Variants in CWH43 observed in about 807,000 individuals in gnomAD.
The protein encoded by CWH43 is PGAP2-interacting protein.
Under a neutral mutation model 85.7 loss-of-function variants are expected in CWH43, and 91 were observed. That is an observed-to-expected ratio of 1.06 (90% confidence interval 0.90 to 1.26). CWH43 has a LOEUF of 1.26. Ranked by LOEUF, CWH43 falls within the 50% of genes most tolerant of loss-of-function variation. The pLI, the probability that CWH43 is intolerant of heterozygous loss-of-function variation, is 0.00. For missense variants in CWH43, 869 were observed against 839.2 expected (o/e 1.04, Z -0.44); for synonymous variants, 323 against 293.6 (o/e 1.10, Z -1.02).
chr4:49,027,885 G>A (rs556408755), intron 9 of CWH43, among the ~76,000 whole-genome samples: 8 of 152,090 alleles, frequency 5.3e-5, no homozygotes, highest in African/African-American at 1.4e-4. Flanking sequence ...GTTGGGCAGC[G>A]CATTATCTGA....
At chr4:49,009,945 G>A (rs1455177621) in intron 8 of CWH43, among the ~76,000 whole-genome samples, 4 of 151,976 alleles carry the variant, frequency 2.6e-5, no homozygotes, top group Non-Finnish European at 5.9e-5. Flanking sequence ...CTCTTTTTTT[G>A]TTGTGTCTCT....
chr4:49,025,463 T>G (rs1197794904), intron 9 of CWH43, among the ~76,000 whole-genome samples: 1 of 152,180 alleles, frequency 6.6e-6, no homozygotes, highest in East Asian at 1.9e-4. Flanking sequence ...TGTTTCTGGT[T>G]CCTTCTCATT....
At chr4:49,026,552 C>T (rs1450361352) in intron 9 of CWH43, among the ~76,000 whole-genome samples, 4 of 152,084 alleles carry the variant, frequency 2.6e-5, no homozygotes, top group Non-Finnish European at 5.9e-5. Context: ...CCACCCATCC[C>T]TCCAAGTCCC....
At position 48,992,566 on chromosome 4, in the gene CWH43, A is replaced by C. The variant is rs1000802162; in HGVS notation, c.511+476A>C. On this transcript the variant is annotated intron_variant, in intron 4 of 15. Transcript: ENST00000226432. This position sits in a 1 kb window ranked among gnomAD's most constrained non-coding sequence, Gnocchi z 4.3. Reference sequence around the variant, plus strand: ...GAAGCTCCAAATCTAAGAATTGAAAAGATAAGAAACCTTGCATATGCATAC... The same window carrying C: ...GAAGCTCCAAATCTAAGAATTGAAACGATAAGAAACCTTGCATATGCATAC... Among the ~76,000 whole-genome samples the C allele has an allele frequency of 4.6e-5, 7 of 152,202 alleles. No homozygotes were observed. The highest frequency in any genetic ancestry group is 8.8e-5 in the Non-Finnish European group (6 of 68,030).
At chr4:49,034,472 G>A (rs1323809820) in intron 12 of CWH43, among the ~76,000 whole-genome samples, 1 of 152,138 alleles carries the variant, frequency 6.6e-6, no homozygotes, top group Non-Finnish European at 1.5e-5. Context: ...AATATGCTTG[G>A]AAAAGAGGAG....
chr4:49,022,680 G>T (rs939935884), intron 9 of CWH43, among the ~76,000 whole-genome samples: 2 of 152,022 alleles, frequency 1.3e-5, no homozygotes, highest in Non-Finnish European at 2.9e-5. Context: ...TCTGTTCCTG[G>T]ACTTTTTTTT....
intron 10 of CWH43, among the ~76,000 whole-genome samples, chr4:49,029,452 C>A (rs1011338514): frequency 2.6e-5 from 4 of 152,192 alleles, no homozygotes; most frequent in African/African-American, 9.7e-5. Context: ...GGTTTCCCCC[C>A]ACTGAGACTG....
At chr4:49,051,314 A>G (rs1226754003) in intron 15 of CWH43, among the ~76,000 whole-genome samples, 2 of 152,160 alleles carry the variant, frequency 1.3e-5, no homozygotes, top group African/African-American at 4.8e-5. Flanking sequence ...GATGGAACTA[A>G]TAAGTGGGGA....
chr4:49,040,677 C>G (rs1206972010), intron 13 of CWH43, among the ~76,000 whole-genome samples: 3 of 151,942 alleles, frequency 2.0e-5, no homozygotes, highest in Non-Finnish European at 4.4e-5. Context: ...TGAAAATTTT[C>G]TCCCATTCTG....
At chr4:49,038,487 G>C (rs1459490220) in intron 13 of CWH43, among the ~76,000 whole-genome samples, 2 of 152,144 alleles carry the variant, frequency 1.3e-5, no homozygotes, top group Non-Finnish European at 2.9e-5. Context: ...TGTGCTTTAG[G>C]CTTGGGACCC....
At chr4:49,037,981 T>C (rs1370122736) in intron 12 of CWH43, 55 bp from the exon 13 acceptor site, 6 of 1,521,346 alleles carry the variant, frequency 3.9e-6, no homozygotes, top group Non-Finnish European at 5.3e-6. Context: ...TACCTAAGGC[T>C]TTTTAAAGTT....
At chr4:49,028,589 T>G (rs184962239) in intron 9 of CWH43, 40 bp from the exon 10 acceptor site, 1 of 1,470,998 alleles carries the variant, frequency 6.8e-7, no homozygotes, top group African/African-American at 1.4e-5. Context: ...ACTGCCATTG[T>G]TCACAGTCAT....
At chr4:49,045,022 A>G (rs1244208703) in intron 14 of CWH43, among the ~76,000 whole-genome samples, 175 bp downstream of exon 14, 2 of 152,182 alleles carry the variant, frequency 1.3e-5, no homozygotes, top group African/African-American at 2.4e-5. Flanking sequence ...TTTTCAAGGC[A>G]TAGTCTCATA....
intron 6 of CWH43, among the ~76,000 whole-genome samples, chr4:49,000,438 C>G (rs1437860783): frequency 6.6e-6 from 1 of 152,014 alleles, no homozygotes; most frequent in East Asian, 1.9e-4. Context: ...TTTGTGTGTA[C>G]CTAAGAGTAA....
intron 2 of CWH43, among the ~76,000 whole-genome samples, chr4:48,990,491 T>C (rs773477237): frequency 6.6e-6 from 1 of 152,224 alleles, no homozygotes; most frequent in African/African-American, 2.4e-5. Flanking sequence ...AGAGAGGATC[T>C]GAGCATTACA....
intron 9 of CWH43, among the ~76,000 whole-genome samples, chr4:49,021,160 C>T (rs751588818): frequency 4.6e-5 from 7 of 151,964 alleles, no homozygotes; most frequent in Non-Finnish European, 8.8e-5. Context: ...TTTCCAATGT[C>T]GTATTCTAGA....
intron 12 of CWH43, among the ~76,000 whole-genome samples, chr4:49,036,179 C>T (rs1342451759): frequency 6.6e-6 from 1 of 152,204 alleles, no homozygotes; most frequent in Non-Finnish European, 1.5e-5. Flanking sequence ...GAATGTTGCT[C>T]TTCTCCCAAC....
chr4:48,995,964 C>G (rs1011081726), intron 5 of CWH43, among the ~76,000 whole-genome samples: 8 of 151,320 alleles, frequency 5.3e-5, no homozygotes, highest in African/African-American at 1.7e-4. Flanking sequence ...CTCAGCAGTT[C>G]CCCCCCACCA....
chr4:49,001,767 C>A (rs1266657962), intron 6 of CWH43, among the ~76,000 whole-genome samples: 1 of 151,756 alleles, frequency 6.6e-6, no homozygotes, highest in African/African-American at 2.4e-5. Flanking sequence ...GTTTTCATTC[C>A]CTCTAGATAA....
Sources: gnomAD v4.1 joint callset for allele counts (sites outside exome capture counted in the v4.1 genomes callset) on GRCh38, gnomAD v4.1.1 for gene constraint, Gnocchi (gnomAD v3.1) non-coding constraint, MANE v1.5 for transcripts, NCBI Gene and HGNC (gene_info 2026-07-23, HGNC 2026-07-21) for gene names.